Variants in MICAL2 observed in about 807,000 individuals in gnomAD.
MICAL2 encodes the protein microtubule associated monooxygenase, calponin and LIM domain containing 2.
A neutral mutation model predicts 127.3 loss-of-function variants in MICAL2; 77 were observed. The ratio of observed to expected loss-of-function variants is 0.60; its 90% CI spans 0.50 to 0.73. The LOEUF is 0.73. MICAL2 is among the 30% of genes least tolerant of loss of function. The pLI is 0.00. For synonymous variants in MICAL2, 570 were observed against 551.1 expected (o/e 1.03, Z -0.48); for missense variants, 1,351 against 1,434.4 (o/e 0.94, Z 0.94).
intron 32 of MICAL2, among the ~76,000 whole-genome samples, chr11:12,336,939 C>A (rs1938775030): frequency 6.6e-6 from 1 of 152,142 alleles, no homozygotes; most frequent in African/African-American, 2.4e-5. Context: ...CTCTACCAGG[C>A]TTTGGTATCA....
chr11:12,315,925 TTTAA>T (rs1432730123), intron 29 of MICAL2, among the ~76,000 whole-genome samples: 2 of 152,294 alleles, frequency 1.3e-5, no homozygotes, highest in Admixed American at 6.5e-5. Context: ...TTAATTAATA[TTTAA>T]TTAATCAAGC....
At chr11:12,242,069 T>A (rs1320365323) in intron 18 of MICAL2, 145 bp from the exon 19 acceptor site, 1 of 633,652 alleles carries the variant, frequency 1.6e-6, no homozygotes, top group East Asian at 2.9e-5. Context: ...TGGTGGAGAG[T>A]CAACACCTGG....
intron 1 of MICAL2, among the ~76,000 whole-genome samples, chr11:12,125,555 C>CTT (rs59039734): frequency 4.4e-4 from 67 of 152,036 alleles, no homozygotes; most frequent in African/African-American, 1.5e-3. Flanking sequence ...TGCCCGGCAT[C>CTT]TTTTTTTTGT....
intron 2 of MICAL2, among the ~76,000 whole-genome samples, chr11:12,284,863 A>G (rs932000407): frequency 6.6e-6 from 1 of 152,186 alleles, no homozygotes; most frequent in Non-Finnish European, 1.5e-5. Flanking sequence ...GGGATTGGGA[A>G]CCTGCCAGAC....
intron 3 of MICAL2, among the ~76,000 whole-genome samples, chr11:12,199,829 T>C (rs16910736): frequency 0.023 from 3,537 of 152,280 alleles, 43 homozygotes; most frequent in Non-Finnish European, 0.036. Context: ...ACCGCCGAGC[T>C]TATCTATACA....
chr11:12,251,694 T>G (rs531751829), intron 22 of MICAL2, among the ~76,000 whole-genome samples: 197 of 151,908 alleles, frequency 1.3e-3, no homozygotes, highest in African/African-American at 4.3e-3. Context: ...AGGTGTGGTC[T>G]TCATCCTGGA....
At chr11:12,295,546 G>A (rs539386749), downstream of MICAL2, among the ~76,000 whole-genome samples, 1 of 148,938 alleles carries the variant, frequency 6.7e-6, no homozygotes, top group South Asian at 2.1e-4. Flanking sequence ...CAAACTCCTG[G>A]ACTGAAGCAC....
At chr11:12,190,132 CA>C (rs2090280296) in intron 3 of MICAL2, among the ~76,000 whole-genome samples, 1 of 152,194 alleles carries the variant, frequency 6.6e-6, no homozygotes, top group Non-Finnish European at 1.5e-5. Flanking sequence ...CAAGTTGACT[CA>C]AAACTACATT....
intron 30 of MICAL2, among the ~76,000 whole-genome samples, chr11:12,321,519 A>G (rs1445625910): frequency 6.6e-6 from 1 of 152,160 alleles, no homozygotes; most frequent in African/African-American, 2.4e-5. Flanking sequence ...TAAGGCAGGA[A>G]GAGACGCAGC....
Position 12,259,844 on chromosome 11 carries a change from C to A in MICAL2, c.3281C>A (p.Thr1094Asn). The A allele has an allele frequency of 6.3e-7, 1 of 1,599,980 alleles. No homozygotes were observed. Among genetic ancestry groups the A allele is most frequent in the South Asian group, 1.1e-5 (1 of 89,188 alleles). Reference sequence around the variant, plus strand: ...GAAGCCCCTCGGAGAGACACTCCCACCGAAAGTTCTTGCGCAGTGGCCGCC... The same window carrying A: ...GAAGCCCCTCGGAGAGACACTCCCAACGAAAGTTCTTGCGCAGTGGCCGCC... ...EQEAPRRDTP[T>N]ESSCAVAAIG... Residue 1094 changes from threonine to asparagine, a missense_variant, in exon 26 of 28, where the codon ACC becomes AAC. Thr to Asn is a moderately conservative substitution (Grantham distance 65). Coordinates refer to ENST00000683283, the MANE Select transcript of MICAL2 (RefSeq NM_001282663.2).
chr11:12,213,776 C>T (rs952578844), intron 7 of MICAL2, among the ~76,000 whole-genome samples: 3 of 152,120 alleles, frequency 2.0e-5, no homozygotes, highest in Non-Finnish European at 2.9e-5. Context: ...TGGCCAGCAC[C>T]GCACCTGAGG....
At chr11:12,313,494 G>A (rs1864198344) in intron 29 of MICAL2, among the ~76,000 whole-genome samples, 2 of 152,144 alleles carry the variant, frequency 1.3e-5, no homozygotes, top group Admixed American at 6.5e-5. Flanking sequence ...CATACTGTGT[G>A]TGACTTAAGT....
In MICAL2 at chr11:12,168,708, T is replaced by C. The variant is rs569384511; in HGVS notation, c.264+6289T>C. Among the ~76,000 whole-genome samples, 365 of 151,418 alleles carry C rather than the reference T, an allele frequency of 2.4e-3. 1 individual carries two copies. The highest frequency in any genetic ancestry group is 4.3e-3 in the Non-Finnish European group (291 of 67,890). Reference sequence around the variant, plus strand: ...CTTTGAAAAAAATGCCTGCTCATGATAAAAAATAACTCAAGTAGGGTAAGA... The same window carrying C: ...CTTTGAAAAAAATGCCTGCTCATGACAAAAAATAACTCAAGTAGGGTAAGA... On this transcript the variant is annotated intron_variant, in intron 3 of 27. Transcript: ENST00000683283.
At chr11:12,166,542 C>T (rs935467547) in intron 3 of MICAL2, among the ~76,000 whole-genome samples, 1 of 152,138 alleles carries the variant, frequency 6.6e-6, no homozygotes, top group Non-Finnish European at 1.5e-5. Context: ...GCTCTGTAGC[C>T]TTGGGCAAGT....
chr11:12,336,132 G>A (rs1390330463), intron 32 of MICAL2, among the ~76,000 whole-genome samples: 1 of 152,156 alleles, frequency 6.6e-6, no homozygotes, highest in Non-Finnish European at 1.5e-5. Context: ...ATTTCATTGA[G>A]CAGTGGTTTG....
chr11:12,185,818 C>A (rs1858172074), intron 3 of MICAL2, among the ~76,000 whole-genome samples: 1 of 152,138 alleles, frequency 6.6e-6, no homozygotes, highest in Non-Finnish European at 1.5e-5. Context: ...CCAAAGTGAC[C>A]CTTTTGTACT....
At chr11:12,318,707 AT>A (rs1864258483) in intron 29 of MICAL2, among the ~76,000 whole-genome samples, 1 of 152,234 alleles carries the variant, frequency 6.6e-6, no homozygotes, top group Non-Finnish European at 1.5e-5. Context: ...ATATTCAGTA[AT>A]CAGAGTGGGT....
chr11:12,308,510 A>G (rs918745802), intron 29 of MICAL2, among the ~76,000 whole-genome samples: 10 of 152,098 alleles, frequency 6.6e-5, no homozygotes, highest in African/African-American at 2.4e-4. Context: ...TAACTATTTC[A>G]TGTTTTTGTT....
intron 24 of MICAL2, 135 bp from the exon 25 acceptor site, chr11:12,258,333 A>C: frequency 1.5e-6 from 1 of 685,486 alleles, no homozygotes; most frequent in Admixed American, 2.4e-5. Flanking sequence ...GCCGTTTCCC[A>C]AGTTTGAGCC....
Sources: gnomAD v4.1 joint callset for allele counts (sites outside exome capture counted in the v4.1 genomes callset) on GRCh38, gnomAD v4.1.1 for gene constraint, MANE v1.5 for transcripts, NCBI Gene and HGNC (gene_info 2026-07-23, HGNC 2026-07-21) for gene names.